ADGRD1: variants seen among roughly 807,000 people sequenced by gnomAD.
ADGRD1 encodes G-protein coupled receptor 133.
In ADGRD1, 77 loss-of-function variants were observed where a neutral mutation model predicts 113.4. That is an observed-to-expected ratio of 0.68 (90% CI 0.57 to 0.82). The LOEUF (loss-of-function observed/expected upper bound fraction) is 0.82, where lower values mean the gene tolerates loss of function less well. ADGRD1 is among the 40% of genes least tolerant of loss of function. The pLI is 0.00. For missense variants in ADGRD1, 1,036 were observed against 1,139.1 expected, an observed-to-expected ratio of 0.91 and a Z score of 1.30; for synonymous variants, 474 against 475.0, an observed-to-expected ratio of 1.00 and a Z score of 0.03.
chr12:131,047,579 T>C (rs976184679), intron 13 of ADGRD1, among the ~76,000 whole-genome samples: 9 of 152,142 alleles, frequency 5.9e-5, no homozygotes, highest in African/African-American at 2.2e-4. Context: ...TGCACCGCCC[T>C]GTGAGCTCAC....
intron 9 of ADGRD1, chr12:131,002,823 GTGA>G: frequency 8.1e-7 from 1 of 1,235,864 alleles, no homozygotes; most frequent in Non-Finnish European, 1.0e-6. Context: ...GCCCCTCCTC[GTGA>G]AGCACAGGGA....
intron 13 of ADGRD1, among the ~76,000 whole-genome samples, chr12:131,045,689 C>T (rs371241112): frequency 1.3e-5 from 2 of 152,302 alleles, no homozygotes; most frequent in East Asian, 3.9e-4. Flanking sequence ...CTGCCCAAAT[C>T]CACAGCGGAG....
rs770707816 is a variant in ADGRD1, at chr12:131,003,238, T to C, written c.1080T>C (p.His360=). The C allele has an allele frequency of 3.1e-5, 50 of 1,614,002 alleles. No homozygotes were observed. The highest frequency in any genetic ancestry group is 4.5e-5 in the East Asian group (2 of 44,882). ...ACACTATTGACACCGTCATGGGCCA[T>C]GTATCCTCCAACCTGCACGGCAGCA... The part of the protein sequence containing the change: ...LIDTIDTVMG[H]VSSNLHGSTP... Residue 360 remains histidine, a synonymous_variant, in exon 10 of 25, where the codon CAT becomes CAC. Coordinates refer to ENST00000261654, the MANE Select transcript of ADGRD1 (RefSeq NM_198827.5). The surrounding 1 kb of genome is among the most constrained non-coding windows in gnomAD (Gnocchi z 4.8).
chr12:131,004,093 C>G, intron 10 of ADGRD1, 93 bp from the exon 11 acceptor site: 1 of 738,428 alleles, frequency 1.4e-6, no homozygotes, highest in Non-Finnish European at 2.4e-6. Context: ...CTTGTCCTGT[C>G]AAAAAAGAAA....
Position 130,966,712 on chromosome 12 carries a change from G to T in ADGRD1, c.187+166G>T. ...ATCCCAGGGCCATCGGGGAGCAGATGTGGACACAATCTGCTTTGAAGCCAC... is the reference window on the plus strand; with the variant it reads ...ATCCCAGGGCCATCGGGGAGCAGATTTGGACACAATCTGCTTTGAAGCCAC... On this transcript the variant is annotated intron_variant, in intron 3 of 24. Coordinates refer to ENST00000261654, the MANE Select transcript of ADGRD1 (RefSeq NM_198827.5). The surrounding 1 kb of genome is among the most constrained non-coding windows in gnomAD (Gnocchi z 4.6). 1 of 614,720 alleles carries T rather than the reference G, an allele frequency of 1.6e-6. No individual in the cohort carries two copies. The highest frequency in any genetic ancestry group is 2.8e-5 in the Admixed American group (1 of 36,192). 38.1% of individuals were successfully genotyped at this position (614,720 alleles called of 1,614,324 possible).
In ADGRD1 at chr12:131,108,826, G is replaced by T; in HGVS notation, c.1990G>T (p.Val664Phe). Reference protein sequence around the residue: ...GLHLYSMVIKVFGSEDSKHRY... With the variant: ...GLHLYSMVIKFFGSEDSKHRY... ...GCACCTCTACAGCATGGTGATCAAG[G>T]TCTTTGGGTCGGAGGACAGCAAGCA... is the stretch of plus-strand genomic sequence containing the variant. The change falls in exon 18 of 25, where the codon GTC becomes TTC. Residue 664 changes from valine to phenylalanine, a missense_variant. By Grantham distance (50) the Val-to-Phe change is conservative. Transcript: ENST00000261654. 6.2e-7 allele frequency: 1 copy of T among 1,607,782 alleles called. No individual in the cohort carries two copies. Among genetic ancestry groups the T allele is most frequent in the East Asian group, 2.2e-5 (1 of 44,482 alleles).
intron 4 of ADGRD1, among the ~76,000 whole-genome samples, chr12:130,973,885 C>T (rs1223913733): frequency 1.3e-5 from 2 of 151,988 alleles, no homozygotes; most frequent in Non-Finnish European, 2.9e-5. Context: ...CCCAGGAGTT[C>T]GAGACCAGCC....
chr12:130,957,420 C>T (rs1869772315), intron 2 of ADGRD1: 1 of 152,008 alleles, frequency 6.6e-6, no homozygotes, highest in South Asian at 2.1e-4. Flanking sequence ...CCACACACGT[C>T]CACACACACT....
chr12:130,985,548 A>G (rs1873549016), intron 5 of ADGRD1, among the ~76,000 whole-genome samples: 1 of 85,188 alleles, frequency 1.2e-5, no homozygotes, highest in Non-Finnish European at 2.7e-5. Context: ...CAGGTTTAAG[A>G]TTTTTTTTTT....
At chr12:131,004,075 G>C in intron 10 of ADGRD1, 111 bp from the exon 11 acceptor site, 1 of 591,146 alleles carries the variant, frequency 1.7e-6, no homozygotes, top group South Asian at 2.1e-5. Flanking sequence ...TATACTTCCC[G>C]TGGGGAGCTT....
chr12:130,980,541 G>GT (rs1350019703), intron 4 of ADGRD1: 1 of 152,130 alleles, frequency 6.6e-6, no homozygotes, highest in East Asian at 1.9e-4. Context: ...GGGACTACAG[G>GT]TGCATGCCAC....
intron 12 of ADGRD1, 93 bp downstream of exon 12, chr12:131,006,140 C>T (rs1462930876): frequency 1.9e-6 from 2 of 1,062,662 alleles, no homozygotes; most frequent in Non-Finnish European, 1.5e-6. Context: ...ACGCACAACA[C>T]TGAGAACTCT....
chr12:130,970,056 A>G (rs1331346141), intron 3 of ADGRD1: 1 of 152,218 alleles, frequency 6.6e-6, no homozygotes, highest in East Asian at 1.9e-4. Context: ...CTGGACTTTA[A>G]AAAAATCATT....
At chr12:131,104,787 G>A in intron 15 of ADGRD1, 44 bp from the exon 16 acceptor site, 3 of 1,390,606 alleles carry the variant, frequency 2.2e-6, no homozygotes, top group Non-Finnish European at 3.0e-6. Flanking sequence ...GCTCCGATGG[G>A]GTGCCTGGGC....
At chr12:130,969,068 T>C (rs1180421396) in intron 3 of ADGRD1, 1 of 1,488,238 alleles carries the variant, frequency 6.7e-7, no homozygotes, top group Non-Finnish European at 9.1e-7. Flanking sequence ...TCTCTGCAAC[T>C]GTAGGTGAGC....
chr12:131,029,050 T>C (rs1463218928), intron 13 of ADGRD1, among the ~76,000 whole-genome samples: 1 of 152,260 alleles, frequency 6.6e-6, no homozygotes, highest in African/African-American at 2.4e-5. Context: ...CATTCATAGC[T>C]GCGTAGCTTT....
rs529979006 is a variant in ADGRD1 at position 131,014,301 on chromosome 12, G to C, written c.1434G>C (p.Ser478=). 14 of 1,613,900 alleles carry C rather than the reference G, an allele frequency of 8.7e-6. No individual in the cohort carries two copies. Among genetic ancestry groups the C allele is most frequent in the Non-Finnish European group, 1.2e-5 (14 of 1,179,962 alleles). The change falls in exon 13 of 25, where the codon TCG becomes TCC. Residue 478 remains serine, a synonymous_variant. Coordinates refer to ENST00000261654, the MANE Select transcript of ADGRD1 (RefSeq NM_198827.5). ...SPPPTLSQNL[S]GSPLITVHLK... ...CACCCACCCTGTCTCAGAACCTGTC[G>C]GGCTCTCCACTCATTACGGTCCACC...
intron 4 of ADGRD1, among the ~76,000 whole-genome samples, chr12:130,972,711 C>T (rs997109842): frequency 4.0e-5 from 6 of 151,120 alleles, no homozygotes; most frequent in African/African-American, 1.5e-4. Context: ...GCATTGGATT[C>T]GGGAAGGGCG....
chr12:131,132,891 G>C (rs936428373), intron 21 of ADGRD1, among the ~76,000 whole-genome samples: 1 of 152,352 alleles, frequency 6.6e-6, no homozygotes, highest in East Asian at 1.9e-4. Flanking sequence ...CAGCCACCGC[G>C]TATCTGTTCT....
Sources: allele counts gnomAD v4.1 joint callset (sites outside exome capture counted in the v4.1 genomes callset), GRCh38; gene constraint gnomAD v4.1.1; non-coding constraint Gnocchi (gnomAD v3.1); transcripts MANE v1.5; gene names NCBI Gene and HGNC (gene_info 2026-07-23, HGNC 2026-07-21).